Variants in OPCML observed in about 807,000 individuals in gnomAD.
OPCML encodes opioid-binding protein/cell adhesion molecule.
OPCML carries 13 observed loss-of-function variants against 37.8 expected under a neutral mutation model. The observed-to-expected ratio is 0.34, with a 90% CI of 0.22 to 0.55. OPCML has a LOEUF of 0.55. OPCML is among the 20% of genes least tolerant of loss of function. The pLI, the probability that OPCML is intolerant of heterozygous loss-of-function variation, is 0.91. For synonymous variants in OPCML, 176 were observed against 168.8 expected (o/e 1.04, Z -0.33); for missense variants, 341 against 435.6 (o/e 0.78, Z 1.93).
rs112204645 is a variant in OPCML, at chr11:133,170,218, T to G, written c.62-227208A>C. Reference sequence around the variant, plus strand: ...GCAACTGGGCACGGTGGCTCACGCCTGTAATCCCAGCACTTTGTGAGGCCG... The same window carrying G: ...GCAACTGGGCACGGTGGCTCACGCCGGTAATCCCAGCACTTTGTGAGGCCG... On this transcript the variant is annotated intron_variant, in intron 1 of 7. Coordinates refer to ENST00000524381, the MANE Select transcript of OPCML (RefSeq NM_001012393.5). Among the ~76,000 whole-genome samples the G allele has an allele frequency of 8.7e-3, 1,320 of 152,372 alleles. 16 individuals carry two copies. The highest frequency in any genetic ancestry group is 0.031 in the African/African-American group (1,274 of 41,602).
chr11:132,862,916 A>T (rs775746606), intron 2 of OPCML, among the ~76,000 whole-genome samples: 1 of 152,262 alleles, frequency 6.6e-6, no homozygotes, highest in Non-Finnish European at 1.5e-5. Context: ...CTAACCCTTT[A>T]TGCAGAACCT....
intron 3 of OPCML, among the ~76,000 whole-genome samples, chr11:132,635,807 T>C (rs185591093): frequency 2.4e-3 from 365 of 152,214 alleles, no homozygotes; most frequent in African/African-American, 8.2e-3. Context: ...CAAAAGACGT[T>C]TGCAAGGTAA....
At chr11:133,125,218 T>C (rs1006083766) in intron 1 of OPCML, among the ~76,000 whole-genome samples, 1 of 152,160 alleles carries the variant, frequency 6.6e-6, no homozygotes, top group African/African-American at 2.4e-5. Context: ...CTTTATTATA[T>C]AGACTTGCAT....
chr11:133,333,043 GTAC>G (rs1168370544), intron 1 of OPCML, among the ~76,000 whole-genome samples: 1 of 147,586 alleles, frequency 6.8e-6, no homozygotes, highest in Non-Finnish European at 1.5e-5. Context: ...AGTAGTAGTA[GTAC>G]TAGTAGTAGT....
intron 1 of OPCML, among the ~76,000 whole-genome samples, chr11:133,258,425 G>A (rs1273232703): frequency 1.3e-5 from 2 of 152,116 alleles, no homozygotes; most frequent in Non-Finnish European, 2.9e-5. Flanking sequence ...AAGGAAGAAG[G>A]GAAGGCTTGC....
chr11:132,578,468 T>C (rs760558894), intron 3 of OPCML, among the ~76,000 whole-genome samples: 2 of 152,208 alleles, frequency 1.3e-5, no homozygotes, highest in Non-Finnish European at 2.9e-5. Context: ...TAAGTCCTAA[T>C]GCTAACTGGT....
intron 1 of OPCML, among the ~76,000 whole-genome samples, chr11:133,513,280 C>G (rs1461141055): frequency 1.3e-5 from 2 of 152,168 alleles, no homozygotes; most frequent in East Asian, 3.8e-4. Context: ...CGTAATTTTT[C>G]TGACATTTAA....
At chr11:133,125,674 GTA>G (rs1949492372) in intron 1 of OPCML, among the ~76,000 whole-genome samples, 1 of 127,674 alleles carries the variant, frequency 7.8e-6, no homozygotes, top group Non-Finnish European at 1.6e-5. Flanking sequence ...ATATAGTATA[GTA>G]TATGTATATA....
intron 3 of OPCML, among the ~76,000 whole-genome samples, chr11:132,633,715 G>A (rs757574270): frequency 1.3e-5 from 2 of 152,122 alleles, no homozygotes; most frequent in Non-Finnish European, 2.9e-5. Context: ...GTGGTAAGGG[G>A]TGTGTATGGG....
intron 2 of OPCML, among the ~76,000 whole-genome samples, chr11:132,942,534 G>A (rs917699174): frequency 6.6e-6 from 1 of 152,094 alleles, no homozygotes; most frequent in Non-Finnish European, 1.5e-5. Context: ...TCCTGAGGAC[G>A]ATCCTGCCTC....
At chr11:132,910,798 A>T (rs1421711171) in intron 2 of OPCML, among the ~76,000 whole-genome samples, 1 of 152,188 alleles carries the variant, frequency 6.6e-6, no homozygotes, top group African/African-American at 2.4e-5. Flanking sequence ...TCCAGTTGCA[A>T]CTCAATTGCT....
At chr11:133,463,042 A>G (rs1946891745) in intron 1 of OPCML, among the ~76,000 whole-genome samples, 1 of 151,870 alleles carries the variant, frequency 6.6e-6, no homozygotes, top group South Asian at 2.1e-4. Flanking sequence ...CAGCCTGGAT[A>G]AAACGTTAAG....
At chr11:132,740,692 A>C (rs191446929) in intron 2 of OPCML, among the ~76,000 whole-genome samples, 1 of 152,248 alleles carries the variant, frequency 6.6e-6, no homozygotes, top group Non-Finnish European at 1.5e-5. Context: ...TCTCAAAATT[A>C]ATTTTCATAT....
intron 1 of OPCML, among the ~76,000 whole-genome samples, chr11:133,059,329 A>G (rs1948298106): frequency 6.6e-6 from 1 of 152,198 alleles, no homozygotes; most frequent in Non-Finnish European, 1.5e-5. Flanking sequence ...ACAAATCTCT[A>G]AGACTGCCCA....
At chr11:133,153,737 C>T (rs116754231) in intron 1 of OPCML, among the ~76,000 whole-genome samples, 2,179 of 151,830 alleles carry the variant, frequency 0.014, 47 homozygotes, top group African/African-American at 0.05. Flanking sequence ...TGTTTAAAAC[C>T]GGAGAAATAA....
chr11:133,422,755 T>A (rs188334408), intron 1 of OPCML: 1 of 928,762 alleles, frequency 1.1e-6, no homozygotes, highest in African/African-American at 1.8e-5. Context: ...TCAAAAATAA[T>A]GTATTAATAA....
intron 2 of OPCML, among the ~76,000 whole-genome samples, chr11:132,863,803 A>AT (rs1942408494): frequency 6.6e-6 from 1 of 152,210 alleles, no homozygotes; most frequent in Non-Finnish European, 1.5e-5. Flanking sequence ...TTCCCCACTC[A>AT]GTCTGTTAGC....
intron 1 of OPCML, among the ~76,000 whole-genome samples, chr11:133,161,783 A>C (rs1950145065): frequency 6.6e-6 from 1 of 152,200 alleles, no homozygotes; most frequent in Non-Finnish European, 1.5e-5. Flanking sequence ...AATTCTACGC[A>C]TATCTTGGGA....
At chr11:133,186,902 AG>A (rs1311394252) in intron 1 of OPCML, among the ~76,000 whole-genome samples, 2 of 152,120 alleles carry the variant, frequency 1.3e-5, no homozygotes, top group Non-Finnish European at 2.9e-5. Flanking sequence ...TTCTCAGGGT[AG>A]GCCTCATTGA....
Sources: allele counts gnomAD v4.1 joint callset (sites outside exome capture counted in the v4.1 genomes callset), GRCh38; gene constraint gnomAD v4.1.1; transcripts MANE v1.5; gene names NCBI Gene and HGNC (gene_info 2026-07-23, HGNC 2026-07-21).